The following GRHL2 variants were observed in gnomAD, a reference collection of about 807,000 sequenced individuals.
GRHL2 encodes the protein grainyhead-like protein 2 homolog.
GRHL2 carries 21 observed loss-of-function variants against 83.8 expected under a neutral mutation model. That is an observed-to-expected ratio of 0.25 (90% CI 0.18 to 0.36). The LOEUF (loss-of-function observed/expected upper bound fraction) is 0.36, where lower values mean the gene tolerates loss of function less well. GRHL2 is among the 10% of genes least tolerant of loss of function. GRHL2 has a pLI of 1.00. For missense variants in GRHL2, 623 were observed against 781.8 expected (o/e 0.80, Z 2.42); for synonymous variants, 280 against 278.9 (o/e 1.00, Z -0.04).
At chr8:101,583,762 A>G (rs900926755) in intron 7 of GRHL2, among the ~76,000 whole-genome samples, 3 of 152,378 alleles carry the variant, frequency 2.0e-5, no homozygotes, top group East Asian at 1.9e-4. Flanking sequence ...TCGGGAAGGC[A>G]TATTTTTCTA....
intron 3 of GRHL2, among the ~76,000 whole-genome samples, chr8:101,553,269 G>T (rs1053726985): frequency 2.1e-4 from 32 of 152,316 alleles, no homozygotes; most frequent in Non-Finnish European, 2.4e-4. Flanking sequence ...GACAGCTGCA[G>T]GAGATCACCA....
chr8:101,548,321 A>G lies in GRHL2; in HGVS notation c.217-4394A>G, dbSNP rs140972174. ...GACAATCACAGTCCAGGACAAACAC[A>G]TTGCTATAAACCTATAACCATGGTT... On this transcript the variant is annotated intron_variant, in intron 2 of 15. Transcript: ENST00000646743. Among the ~76,000 whole-genome samples the G allele has an allele frequency of 1.4e-3, 207 of 152,352 alleles. 1 individual carries two copies. Among genetic ancestry groups the G allele is most frequent in the Non-Finnish European group, 2.3e-3 (159 of 68,024 alleles).
Position 101,669,694 on chromosome 8 carries a change from GAAAA to G in GRHL2, c.*2994_*2997del, listed in dbSNP as rs10696908. ...TTTATTTTTTGTACATTTTTAAGGA[GAAAA>G]AATAAATATTCATAACATAAGAGTA... On this transcript the variant is annotated 3_prime_UTR_variant, in exon 16 of 16. Coordinates refer to ENST00000646743, the MANE Select transcript of GRHL2 (RefSeq NM_024915.4). 6.6e-6 allele frequency: 1 copy of G among 152,120 alleles called. No homozygotes were observed. Among genetic ancestry groups the G allele is most frequent in the South Asian group, 2.1e-4 (1 of 4,810 alleles). 9.4% of individuals were successfully genotyped at this position (152,120 alleles called of 1,614,324 possible). A position where few individuals can be genotyped will look rare whatever the true frequency, so the allele number is the denominator to read the frequency against.
At chr8:101,591,378 G>A (rs564059998) in intron 7 of GRHL2, among the ~76,000 whole-genome samples, 1 of 152,162 alleles carries the variant, frequency 6.6e-6, no homozygotes, top group Non-Finnish European at 1.5e-5. Flanking sequence ...AGTGCTTGCA[G>A]TATGTGGAGA....
chr8:101,497,090 G>C (rs966702361), intron 1 of GRHL2, among the ~76,000 whole-genome samples: 17 of 152,284 alleles, frequency 1.1e-4, no homozygotes, highest in African/African-American at 3.9e-4. Context: ...AGTATCACCA[G>C]TTTAATGTTG....
intron 8 of GRHL2, among the ~76,000 whole-genome samples, chr8:101,609,871 T>G (rs1363392351): frequency 6.6e-6 from 1 of 151,104 alleles, no homozygotes; most frequent in Non-Finnish European, 1.5e-5. Context: ...TTTTGGATTT[T>G]GCACCATATT....
At chr8:101,583,596 T>C (rs1812102082) in intron 7 of GRHL2, among the ~76,000 whole-genome samples, 1 of 152,146 alleles carries the variant, frequency 6.6e-6, no homozygotes, top group South Asian at 2.1e-4. Flanking sequence ...GGCTGGGAGT[T>C]TCCCAGGACT....
intron 9 of GRHL2, among the ~76,000 whole-genome samples, chr8:101,626,201 T>G (rs927177123): frequency 6.6e-6 from 1 of 151,998 alleles, no homozygotes; most frequent in Non-Finnish European, 1.5e-5. Context: ...CTCATCACAG[T>G]CTATAGTTTT....
intron 8 of GRHL2, among the ~76,000 whole-genome samples, chr8:101,618,771 G>A (rs1164472196): frequency 6.6e-6 from 1 of 151,632 alleles, no homozygotes; most frequent in Non-Finnish European, 1.5e-5. Context: ...CATAATCATG[G>A]AACAAAGACA....
chr8:101,598,537 G>A (rs1196638405), intron 7 of GRHL2, among the ~76,000 whole-genome samples: 1 of 149,900 alleles, frequency 6.7e-6, no homozygotes, highest in Non-Finnish European at 1.5e-5. Context: ...ACCACACCCG[G>A]CCCCAAAAGG....
intron 14 of GRHL2, among the ~76,000 whole-genome samples, chr8:101,650,867 C>A (rs987124504): frequency 2.6e-5 from 4 of 151,824 alleles, no homozygotes; most frequent in African/African-American, 9.7e-5. Flanking sequence ...AAAAACTGTA[C>A]CAATGTCATC....
chr8:101,631,472 T>C (rs1421672247), intron 9 of GRHL2, among the ~76,000 whole-genome samples, 165 bp from the exon 10 acceptor site: 1 of 152,244 alleles, frequency 6.6e-6, no homozygotes, highest in Non-Finnish European at 1.5e-5. Flanking sequence ...TGAGTGGTCT[T>C]GGCTTTCAGA....
At chr8:101,503,627 A>G (rs1586397780) in intron 1 of GRHL2, among the ~76,000 whole-genome samples, 1 of 152,338 alleles carries the variant, frequency 6.6e-6, no homozygotes, top group East Asian at 1.9e-4. Context: ...ATAACTAAAG[A>G]TATAAAGTGC....
downstream of GRHL2, among the ~76,000 whole-genome samples, chr8:101,671,195 C>T (rs993031293): frequency 3.3e-5 from 5 of 152,128 alleles, no homozygotes; most frequent in African/African-American, 1.2e-4. Context: ...TGCAGTGCAC[C>T]CTGCGCAAGC....
intron 13 of GRHL2, 110 bp downstream of exon 13, chr8:101,644,335 G>A (rs1813466038): frequency 4.9e-6 from 4 of 815,934 alleles, no homozygotes; most frequent in East Asian, 2.7e-5. Flanking sequence ...CCAGCCTGGT[G>A]ACTTTCTCTT....
chr8:101,676,718 C>A, the GRHL2 span, among the ~76,000 whole-genome samples: 9 of 152,112 alleles, frequency 5.9e-5, no homozygotes, highest in Non-Finnish European at 1.3e-4. Flanking sequence ...TGGGTATATA[C>A]CCAAAGGATT....
At chr8:101,528,798 C>A in intron 1 of GRHL2, 1 of 330,410 alleles carries the variant, frequency 3.0e-6, no homozygotes, top group Non-Finnish European at 5.8e-6. Context: ...CATCTTCAGA[C>A]TTTCTGGAGA....
At chr8:101,679,676 C>T in the GRHL2 span, among the ~76,000 whole-genome samples, 4 of 151,510 alleles carry the variant, frequency 2.6e-5, no homozygotes, top group South Asian at 6.3e-4. Flanking sequence ...AGCCAGAGAA[C>T]AAGGTCAGGT....
At chr8:101,537,181 G>A (rs1197535287) in intron 1 of GRHL2, among the ~76,000 whole-genome samples, 1 of 152,068 alleles carries the variant, frequency 6.6e-6, no homozygotes, top group Admixed American at 6.5e-5. Flanking sequence ...TTCTATTGAT[G>A]GGCATTTAGG....
Sources: allele counts gnomAD v4.1 joint callset (sites outside exome capture counted in the v4.1 genomes callset), GRCh38; gene constraint gnomAD v4.1.1; transcripts MANE v1.5; gene names NCBI Gene and HGNC (gene_info 2026-07-23, HGNC 2026-07-21).